RIMBP2: variants seen among roughly 807,000 people sequenced by gnomAD.
RIMBP2 encodes RIMS-binding protein 2.
A neutral mutation model predicts 118.6 loss-of-function variants in RIMBP2; 48 were observed. The ratio of observed to expected loss-of-function variants is 0.40; its 90% CI spans 0.32 to 0.51. The LOEUF (loss-of-function observed/expected upper bound fraction) is 0.51, where lower values mean the gene tolerates loss of function less well. Ranked by LOEUF, RIMBP2 falls within the 20% of genes least tolerant of loss-of-function variation. The pLI is 0.41. For missense variants in RIMBP2, 1,551 were observed against 1,768.3 expected (o/e 0.88, Z 2.20); for synonymous variants, 762 against 742.9 (o/e 1.03, Z -0.42).
chr12:130,562,985 G>A (rs994244130), intron 2 of RIMBP2, among the ~76,000 whole-genome samples: 1 of 152,278 alleles, frequency 6.6e-6, no homozygotes, highest in African/African-American at 2.4e-5. Flanking sequence ...TATGACGGAC[G>A]GCTGGCTGTG....
intron 22 of RIMBP2, chr12:130,399,025 C>T: frequency 1.8e-6 from 1 of 546,676 alleles, no homozygotes; most frequent in Middle Eastern, 3.1e-4. Flanking sequence ...TTTTTTTTAA[C>T]CCCACAATGA....
At chr12:130,417,319 C>T (rs1221669991) in intron 17 of RIMBP2, among the ~76,000 whole-genome samples, 1 of 152,178 alleles carries the variant, frequency 6.6e-6, no homozygotes, top group African/African-American at 2.4e-5. Context: ...TTCACAATAG[C>T]AGGGACATGG....
Position 130,676,653 on chromosome 12 carries a change from C to T in RIMBP2, c.-352+39569G>A, listed in dbSNP as rs112574386. ...AAAAAAGAAAAAAGAAAAGAAAACACACACACAGTGGCACATCCATACAGT... is the reference window on the plus strand; with the variant it reads ...AAAAAAGAAAAAAGAAAAGAAAACATACACACAGTGGCACATCCATACAGT... On this transcript the variant is annotated intron_variant, in intron 1 of 22. Transcript: ENST00000690449. 6.3e-3 allele frequency among the ~76,000 whole-genome samples: 961 copies of T among 151,916 alleles called. 11 individuals are homozygous for T. The highest frequency in any genetic ancestry group is 0.022 in the African/African-American group (903 of 41,396).
At chr12:130,674,972 G>T (rs1457585584) in intron 1 of RIMBP2, among the ~76,000 whole-genome samples, 1 of 152,182 alleles carries the variant, frequency 6.6e-6, no homozygotes. Flanking sequence ...AGATTCCATC[G>T]TGTGGATGGA....
At chr12:130,462,924 T>A (rs2080133600) in intron 6 of RIMBP2, among the ~76,000 whole-genome samples, 1 of 152,188 alleles carries the variant, frequency 6.6e-6, no homozygotes, top group Non-Finnish European at 1.5e-5. Context: ...CTCCCCCACC[T>A]CAAATTCCTA....
At chr12:130,499,052 CTTACAA>C (rs1264316241) in intron 4 of RIMBP2, among the ~76,000 whole-genome samples, 1 of 152,204 alleles carries the variant, frequency 6.6e-6, no homozygotes, top group Non-Finnish European at 1.5e-5. Context: ...CCTCAGGAAA[CTTACAA>C]TTACAGTGGA....
At chr12:130,405,702 T>G (rs1166838719) in intron 21 of RIMBP2, among the ~76,000 whole-genome samples, 1 of 152,120 alleles carries the variant, frequency 6.6e-6, no homozygotes, top group East Asian at 1.9e-4. Flanking sequence ...GGTTCCAAGC[T>G]GCTAACAGCA....
intron 2 of RIMBP2, among the ~76,000 whole-genome samples, chr12:130,615,245 C>CATAATGT (rs1555309073): frequency 7.7e-6 from 1 of 129,740 alleles, no homozygotes; most frequent in Non-Finnish European, 1.6e-5. Context: ...TATATGTACA[C>CATAATGT]ATAATTATGT....
chr12:130,625,874 T>A lies in RIMBP2; in HGVS notation c.-217+2448A>T, dbSNP rs377643002. ...GCTTCTGTATCCCATAGGCCAAGTA[T>A]AATAAATGCACTGGAAAAAAATTAC... is the stretch of plus-strand genomic sequence containing the variant. On this transcript the variant is annotated intron_variant, in intron 2 of 22. Coordinates refer to ENST00000690449, the MANE Select transcript of RIMBP2 (RefSeq NM_001393629.1). Among the ~76,000 whole-genome samples, 98 of 152,298 alleles carry A rather than the reference T, an allele frequency of 6.4e-4. No individual in the cohort carries two copies. The South Asian group carries it at 0.02, about 31-fold the overall frequency.
At chr12:130,663,421 C>T (rs540888835) in intron 1 of RIMBP2, among the ~76,000 whole-genome samples, 2 of 148,208 alleles carry the variant, frequency 1.3e-5, no homozygotes, top group South Asian at 2.1e-4. Flanking sequence ...CAGCAGCAGA[C>T]AGAAAGCTTT....
At chr12:130,470,595 G>GCACT (rs2080920784) in intron 6 of RIMBP2, 98 bp downstream of exon 6, 3 of 617,326 alleles carry the variant, frequency 4.9e-6, no homozygotes, top group Non-Finnish European at 7.0e-6. Context: ...TGCACCAGGC[G>GCACT]CACTTCATAA....
chr12:130,667,771 C>T (rs534868724), intron 1 of RIMBP2: 2 of 152,230 alleles, frequency 1.3e-5, no homozygotes, highest in African/African-American at 4.8e-5. Context: ...CAATGACTCC[C>T]ATCAATCACA....
In RIMBP2 at chr12:130,442,824, CCCA is replaced by C; in HGVS notation, c.692-167_692-165del. On this transcript the variant is annotated intron_variant, in intron 10 of 22. Transcript: ENST00000690449. The surrounding 1 kb of genome is among the most constrained non-coding windows in gnomAD (Gnocchi z 6.9). ...AGTCCATGCTGGGGCCAGCTCCACACCCACCATCTAAAGAGCCAGCTCCTCCAT... is the reference window on the plus strand; with the variant it reads ...AGTCCATGCTGGGGCCAGCTCCACACCCATCTAAAGAGCCAGCTCCTCCAT... Among the ~76,000 whole-genome samples, 1 of 152,086 alleles carries C rather than the reference CCCA, an allele frequency of 6.6e-6. No homozygotes were observed. The highest frequency in any genetic ancestry group is 2.4e-5 in the African/African-American group (1 of 41,350).
chr12:130,444,012 A>G (rs2078333528), intron 10 of RIMBP2, among the ~76,000 whole-genome samples: 1 of 152,176 alleles, frequency 6.6e-6, no homozygotes, highest in Non-Finnish European at 1.5e-5. Context: ...TCACACAGAC[A>G]ATGGAGCCCT....
intron 1 of RIMBP2, among the ~76,000 whole-genome samples, chr12:130,696,942 C>T (rs192702573): frequency 3.3e-5 from 5 of 152,210 alleles, no homozygotes; most frequent in Admixed American, 2.6e-4. Flanking sequence ...AATCATCTCA[C>T]GTGGCTAAAG....
intron 2 of RIMBP2, among the ~76,000 whole-genome samples, chr12:130,551,028 G>A (rs1303446006): frequency 6.6e-6 from 1 of 152,226 alleles, no homozygotes; most frequent in Non-Finnish European, 1.5e-5. Context: ...GTGTCTATGT[G>A]CTGTTCATGG....
At chr12:130,594,306 A>G (rs917173274) in intron 2 of RIMBP2, among the ~76,000 whole-genome samples, 1 of 152,234 alleles carries the variant, frequency 6.6e-6, no homozygotes, top group African/African-American at 2.4e-5. Flanking sequence ...GTCCTTCAAA[A>G]TGTGGGTCAC....
intron 1 of RIMBP2, among the ~76,000 whole-genome samples, chr12:130,661,760 C>A (rs1370634590): frequency 6.6e-6 from 1 of 152,174 alleles, no homozygotes; most frequent in Non-Finnish European, 1.5e-5. Context: ...AGAGCTGATG[C>A]AATAACTACG....
intron 2 of RIMBP2, among the ~76,000 whole-genome samples, chr12:130,528,719 T>A (rs964078649): frequency 6.6e-6 from 1 of 152,222 alleles, no homozygotes; most frequent in Non-Finnish European, 1.5e-5. Flanking sequence ...TTGCTTCATA[T>A]TGGTCAGTAT....
Sources: allele counts gnomAD v4.1 joint callset (sites outside exome capture counted in the v4.1 genomes callset), GRCh38; gene constraint gnomAD v4.1.1; non-coding constraint Gnocchi (gnomAD v3.1); transcripts MANE v1.5; gene names NCBI Gene and HGNC (gene_info 2026-07-23, HGNC 2026-07-21).